BABAM2: variants seen among roughly 807,000 people sequenced by gnomAD.
The protein encoded by BABAM2 is BRISC and BRCA1 A complex member 2.
In BABAM2, 31 loss-of-function variants were observed where a neutral mutation model predicts 54.7. The observed-to-expected ratio is 0.57, with a 90% CI of 0.43 to 0.77. BABAM2 has a LOEUF of 0.77. BABAM2 is among the 30% of genes least tolerant of loss of function. The probability of loss-of-function intolerance (pLI) is 0.00; values close to 1 mark genes in which losing one functional copy is unlikely to be tolerated. For synonymous variants in BABAM2, 167 were observed against 162.9 expected (o/e 1.03, Z -0.19); for missense variants, 364 against 455.8 (o/e 0.80, Z 1.83).
intron 2 of BABAM2, among the ~76,000 whole-genome samples, chr2:27,921,860 C>G (rs973203783): frequency 6.6e-6 from 1 of 152,100 alleles, no homozygotes; most frequent in Admixed American, 6.5e-5. Flanking sequence ...ACACTTTTGC[C>G]TTTCTTGGAG....
At chr2:27,931,008 A>G (rs1191962060) in intron 3 of BABAM2, among the ~76,000 whole-genome samples, 2 of 152,250 alleles carry the variant, frequency 1.3e-5, no homozygotes, top group African/African-American at 4.8e-5. Context: ...ATTACATGCC[A>G]GGAGGGGCCA....
chr2:28,134,952 A>T (rs1024372898), intron 7 of BABAM2, among the ~76,000 whole-genome samples: 2 of 152,180 alleles, frequency 1.3e-5, no homozygotes, highest in Admixed American at 6.5e-5. Context: ...TTGGCTGGCA[A>T]TCTTGGCTTA....
chr2:27,936,093 T>C (rs1323457526), intron 3 of BABAM2, among the ~76,000 whole-genome samples: 1 of 152,134 alleles, frequency 6.6e-6, no homozygotes, highest in Non-Finnish European at 1.5e-5. Flanking sequence ...TTAATTTTTA[T>C]ATTTTTAGTA....
chr2:28,012,454 T>A (rs1216072820), intron 4 of BABAM2, among the ~76,000 whole-genome samples: 1 of 152,210 alleles, frequency 6.6e-6, no homozygotes, highest in South Asian at 2.1e-4. Flanking sequence ...TACATTGACA[T>A]TTTGTCCTAA....
chr2:27,895,407 G>T (rs1358371494), intron 2 of BABAM2, among the ~76,000 whole-genome samples: 1 of 152,074 alleles, frequency 6.6e-6, no homozygotes, highest in African/African-American at 2.4e-5. Flanking sequence ...TACTTATTTT[G>T]TAAAATGTGC....
rs532674791 is a variant in BABAM2, at chr2:28,196,252, G to A, written c.681-40950G>A. Among the ~76,000 whole-genome samples, 9 of 149,708 alleles carry A rather than the reference G, an allele frequency of 6.0e-5. No individual in the cohort carries two copies. In the East Asian group the frequency reaches 1.6e-3, roughly 26 times the overall value. ...TGAGGTAGGAGAATGGTGTGAACCC[G>A]GGAGGCGGAGCTTGCAGTGAGCTGA... is the stretch of plus-strand genomic sequence containing the variant. On this transcript the variant is annotated intron_variant, in intron 7 of 11. Transcript: ENST00000379624.
At chr2:28,137,202 G>A (rs185484658) in intron 7 of BABAM2, among the ~76,000 whole-genome samples, 6 of 152,160 alleles carry the variant, frequency 3.9e-5, no homozygotes, top group African/African-American at 1.4e-4. Flanking sequence ...GTAATAGAAC[G>A]TAATAGTAAA....
chr2:28,143,696 A>G (rs1333658294), intron 7 of BABAM2, among the ~76,000 whole-genome samples: 1 of 152,196 alleles, frequency 6.6e-6, no homozygotes, highest in Non-Finnish European at 1.5e-5. Context: ...ATGTATGTGG[A>G]TACTGATGCT....
At chr2:27,893,805 C>T (rs546517823) in intron 1 of BABAM2, among the ~76,000 whole-genome samples, 2 of 152,082 alleles carry the variant, frequency 1.3e-5, no homozygotes, top group South Asian at 4.1e-4. Context: ...ACCATCCTGG[C>T]CAACCTGATG....
intron 7 of BABAM2, among the ~76,000 whole-genome samples, chr2:28,226,005 C>T (rs975608358): frequency 6.6e-6 from 1 of 152,112 alleles, no homozygotes; most frequent in Non-Finnish European, 1.5e-5. Flanking sequence ...TGGCCAAATC[C>T]AGCCCACAGC....
intron 10 of BABAM2, among the ~76,000 whole-genome samples, chr2:28,261,786 C>T (rs1573956100): frequency 1.3e-5 from 2 of 150,824 alleles, no homozygotes; most frequent in Admixed American, 6.6e-5. Flanking sequence ...CTCCCCTCCC[C>T]TTCCCTTCCC....
chr2:28,245,037 A>G (rs1302757529), intron 10 of BABAM2, among the ~76,000 whole-genome samples, 175 bp downstream of exon 10: 1 of 152,030 alleles, frequency 6.6e-6, no homozygotes, highest in Non-Finnish European at 1.5e-5. Flanking sequence ...GTGGTTCTCA[A>G]CCACTGGAGC....
intron 7 of BABAM2, among the ~76,000 whole-genome samples, chr2:28,136,715 C>T (rs542120900): frequency 5.3e-5 from 8 of 152,226 alleles, no homozygotes; most frequent in East Asian, 3.9e-4. Flanking sequence ...GTCCTGTTGG[C>T]GTCTCCAGCC....
chr2:28,040,026 G>A (rs1240638346), intron 5 of BABAM2, among the ~76,000 whole-genome samples: 1 of 151,846 alleles, frequency 6.6e-6, no homozygotes, highest in Non-Finnish European at 1.5e-5. Context: ...CAGCTTACAG[G>A]AAAGATTGCT....
rs1165778900 is a variant in BABAM2, at chr2:28,304,914, G to A, written c.1088+6423G>A. The stretch of plus-strand genomic sequence containing the variant: ...GCTGGTCTTGAACTCCTGAGCTCAG[G>A]CAATCCACCTGCCTTGGCCTCCCAA... On this transcript the variant is annotated intron_variant, in intron 11 of 11. Coordinates refer to ENST00000379624, the MANE Select transcript of BABAM2 (RefSeq NM_199191.3). The surrounding 1 kb of genome is among the most constrained non-coding windows in gnomAD (Gnocchi z 4.0). Among the ~76,000 whole-genome samples, 1 of 152,132 alleles carries A rather than the reference G, an allele frequency of 6.6e-6. No individual in the cohort carries two copies. The highest frequency in any genetic ancestry group is 1.5e-5 in the Non-Finnish European group (1 of 68,010).
At chr2:28,303,480 G>T (rs1419307137) in intron 11 of BABAM2, among the ~76,000 whole-genome samples, 1 of 152,146 alleles carries the variant, frequency 6.6e-6, no homozygotes, top group Non-Finnish European at 1.5e-5. Flanking sequence ...TTTGTCAAAA[G>T]TCAATTAACC....
intron 10 of BABAM2, among the ~76,000 whole-genome samples, chr2:28,276,676 A>C (rs1685908741): frequency 6.6e-6 from 1 of 152,180 alleles, no homozygotes. Flanking sequence ...CCCAGCACTA[A>C]GGCCCACTTC....
chr2:28,130,088 T>C (rs945345836), intron 7 of BABAM2, among the ~76,000 whole-genome samples: 4 of 152,166 alleles, frequency 2.6e-5, no homozygotes, highest in African/African-American at 7.2e-5. Flanking sequence ...GCAGATTTGG[T>C]TGGGAACTTC....
chr2:28,019,554 A>T (rs984984976), intron 4 of BABAM2, among the ~76,000 whole-genome samples: 1 of 152,174 alleles, frequency 6.6e-6, no homozygotes, highest in African/African-American at 2.4e-5. Flanking sequence ...ATTCTTGGTC[A>T]TGAAGTCTTT....
Sources: allele counts gnomAD v4.1 joint callset (sites outside exome capture counted in the v4.1 genomes callset), GRCh38; gene constraint gnomAD v4.1.1; non-coding constraint Gnocchi (gnomAD v3.1); transcripts MANE v1.5; gene names NCBI Gene and HGNC (gene_info 2026-07-23, HGNC 2026-07-21).